BDP1: variants seen among roughly 807,000 people sequenced by gnomAD.
The protein encoded by BDP1 is transcription factor TFIIIB component B'' homolog.
BDP1 carries 169 observed loss-of-function variants against 266.6 expected under a neutral mutation model. The ratio of observed to expected loss-of-function variants is 0.63; its 90% CI spans 0.56 to 0.72. BDP1 has a LOEUF of 0.72. Among genes scored for constraint, BDP1 ranks in the 30% least tolerant of loss-of-function variants. The probability of loss-of-function intolerance (pLI) is 0.00; values close to 1 mark genes in which losing one functional copy is unlikely to be tolerated. For synonymous variants in BDP1, 1,090 were observed against 1,022.4 expected (o/e 1.07, Z -1.26); for missense variants, 3,015 against 3,053.8 (o/e 0.99, Z 0.30).
rs933162320 is a variant in BDP1 at position 71,522,212 on chromosome 5, T to C, written c.4992-77T>C. 6 of 1,093,536 alleles carry C rather than the reference T, an allele frequency of 5.5e-6. No individual in the cohort carries two copies. In the South Asian group the frequency reaches 5.8e-5, roughly 11 times the overall value. 67.7% of individuals were successfully genotyped at this position (1,093,536 alleles called of 1,614,324 possible). A position where few individuals can be genotyped will look rare whatever the true frequency, so the allele number is the denominator to read the frequency against. On this transcript the variant is annotated intron_variant, in intron 22 of 38. Transcript: ENST00000358731. ...ACATAGAATTGATTTGTATCCAAAA[T>C]TGTTTGATGTAACAGCTGTTATATC...
Position 71,458,654 on chromosome 5 carries a change from G to A in BDP1, c.288G>A (p.Lys96=). ...RSSSTVSQRR[K]RISSTSSLVK... ...CCTCTACTGTTTCACAGAGAAGAAAGCGAATATCAAGTACTTCTAGCCTGG... is the reference window on the plus strand; with the variant it reads ...CCTCTACTGTTTCACAGAGAAGAAAACGAATATCAAGTACTTCTAGCCTGG... Residue 96 remains lysine, a synonymous_variant, in exon 2 of 39, where the codon AAG becomes AAA. Transcript: ENST00000358731. 6.2e-7 allele frequency: 1 copy of A among 1,613,730 alleles called. No homozygotes were observed. Among genetic ancestry groups the A allele is most frequent in the African/African-American group, 1.3e-5 (1 of 75,028 alleles).
the BDP1 span, among the ~76,000 whole-genome samples, chr5:71,573,528 T>C: frequency 6.6e-6 from 1 of 152,208 alleles, no homozygotes; most frequent in Non-Finnish European, 1.5e-5. Flanking sequence ...AGTAAGGGCG[T>C]ACAGAGCCCA....
chr5:71,513,285 T>A lies in BDP1; in HGVS notation c.4348T>A (p.Leu1450Met). The A allele has an allele frequency of 6.2e-7, 1 of 1,613,120 alleles. No homozygotes were observed. The highest frequency in any genetic ancestry group is 8.5e-7 in the Non-Finnish European group (1 of 1,179,618). The change falls in exon 19 of 39, where the codon TTG (leucine) becomes ATG (methionine). Residue 1450 changes from leucine (L) to methionine (M), a missense_variant. Around this residue, in one of 3 missense-constraint regions of BDP1, gnomAD observed 2,383 missense variants for 2,404.9 expected, o/e 0.99. Coordinates refer to ENST00000358731, the MANE Select transcript of BDP1 (RefSeq NM_018429.3). ...AAAACCAAACTTAGCAAGAGCAGCT[T>A]TGAAGAGAGAGACTACAGAATCAGA... The part of the protein sequence containing the change: ...RPKPNLARAA[L>M]KRETTESEKY...
intron 12 of BDP1, among the ~76,000 whole-genome samples, chr5:71,496,668 C>T (rs1019350249): frequency 2.6e-5 from 4 of 152,090 alleles, no homozygotes; most frequent in Non-Finnish European, 2.9e-5. Flanking sequence ...CTGCAACCCC[C>T]GCCTCCCGGG....
intron 7 of BDP1, among the ~76,000 whole-genome samples, chr5:71,480,788 T>C (rs894197420): frequency 2.0e-5 from 3 of 152,170 alleles, no homozygotes; most frequent in Admixed American, 6.5e-5. Flanking sequence ...GGTCTCGAAC[T>C]CCTGACCTCA....
Position 71,567,162 on chromosome 5 carries a change from CAT to C in BDP1, c.*2280_*2281del, listed in dbSNP as rs562671450. The C allele has an allele frequency of 2.4e-4, 37 of 152,260 alleles. 1 individual carries two copies. In the South Asian group the frequency reaches 7.2e-3, roughly 30 times the overall value. 9.4% of individuals were successfully genotyped at this position (152,260 alleles called of 1,614,324 possible). ...CCTGTTTTTGTAAGTTTTTAAAACT[CAT>C]ATTCTGAAAAGATTTCATTCTCTTA... On this transcript the variant is annotated 3_prime_UTR_variant, in exon 39 of 39. Coordinates refer to ENST00000358731, the MANE Select transcript of BDP1 (RefSeq NM_018429.3).
intron 11 of BDP1, among the ~76,000 whole-genome samples, chr5:71,493,280 G>A (rs1436331159): frequency 6.6e-6 from 1 of 152,158 alleles, no homozygotes; most frequent in Non-Finnish European, 1.5e-5. Context: ...AAAATGTTGT[G>A]ACAGGGTCTT....
intron 9 of BDP1, among the ~76,000 whole-genome samples, chr5:71,488,538 C>T (rs917303943): frequency 2.0e-5 from 3 of 151,674 alleles, no homozygotes; most frequent in Non-Finnish European, 4.4e-5. Flanking sequence ...AAGCGATTCT[C>T]CTGCCTCAGC....
At chr5:71,473,990 G>GT (rs1182011544) in intron 7 of BDP1, among the ~76,000 whole-genome samples, 2 of 151,514 alleles carry the variant, frequency 1.3e-5, no homozygotes, top group Non-Finnish European at 2.9e-5. Flanking sequence ...TATACATTTC[G>GT]TTTTTTTTGA....
Position 71,517,360 on chromosome 5 carries a change from G to C in BDP1, c.4899G>C (p.Ser1633=). The change falls in exon 22 of 39, where the codon TCG becomes TCC. Residue 1633 remains serine, a synonymous_variant. Transcript: ENST00000358731. ...SQIETEIEVP[S]SAVPEHRMYE... is the part of the protein sequence containing the mutation. ...TTGAAACTGAAATTGAAGTTCCATC[G>C]TCCGCAGTTCCAGAACACAGAATGT... 1 of 1,599,322 alleles carries C rather than the reference G, an allele frequency of 6.3e-7. No homozygotes were observed.
chr5:71,564,216 G>A (rs1471467207), intron 38 of BDP1, among the ~76,000 whole-genome samples: 4 of 151,954 alleles, frequency 2.6e-5, no homozygotes, highest in Admixed American at 6.6e-5. Flanking sequence ...TCTGTCATTC[G>A]TGTGCCAATA....
intron 36 of BDP1, 62 bp from the exon 37 acceptor site, chr5:71,559,920 G>A: frequency 6.5e-7 from 1 of 1,533,962 alleles, no homozygotes; most frequent in East Asian, 2.3e-5. Context: ...TTCAAATGCT[G>A]GGATTACATG....
At chr5:71,529,411 G>A (rs778322731) in intron 25 of BDP1, among the ~76,000 whole-genome samples, 115 of 152,286 alleles carry the variant, frequency 7.6e-4, no homozygotes, top group Non-Finnish European at 1.3e-3. Flanking sequence ...GCATTGAAAG[G>A]CCAGGCATGG....
chr5:71,513,115 G>A, intron 18 of BDP1, 70 bp from the exon 19 acceptor site: 1 of 1,013,002 alleles, frequency 9.9e-7, no homozygotes, highest in Non-Finnish European at 1.5e-6. Flanking sequence ...AGTCTCTAAG[G>A]TTGTACTGAG....
At position 71,561,150 on chromosome 5, in the gene BDP1, C is replaced by T. The variant is rs1244043780; in HGVS notation, c.7496+913C>T. Among the ~76,000 whole-genome samples, 8 of 150,298 alleles carry T rather than the reference C, an allele frequency of 5.3e-5. No homozygotes were observed. In the South Asian group the frequency reaches 1.5e-3, roughly 28 times the overall value. On this transcript the variant is annotated intron_variant, in intron 37 of 38. Transcript: ENST00000358731. The stretch of plus-strand genomic sequence containing the variant: ...GGTGCGGTGGCTCATGCCTGTAATC[C>T]CAGCACTTTGGGAGGCTGAGGTGGG...
At chr5:71,507,022 A>G (rs1764625945) in intron 16 of BDP1, among the ~76,000 whole-genome samples, 1 of 152,022 alleles carries the variant, frequency 6.6e-6, no homozygotes, top group Admixed American at 6.6e-5. Flanking sequence ...GGGTTTCGCC[A>G]TGTTGCCCAG....
intron 16 of BDP1, among the ~76,000 whole-genome samples, chr5:71,505,846 G>T (rs1257324212): frequency 5.3e-5 from 8 of 152,208 alleles, no homozygotes; most frequent in Non-Finnish European, 2.9e-5. Flanking sequence ...GGGCAACAAA[G>T]TGAGACAGAC....
At chr5:71,479,276 A>G (rs188391560) in intron 7 of BDP1, among the ~76,000 whole-genome samples, 11 of 151,086 alleles carry the variant, frequency 7.3e-5, no homozygotes, top group African/African-American at 2.7e-4. Flanking sequence ...CTCCTGACCT[A>G]GTGATCCGCC....
At position 71,560,160 on chromosome 5, in the gene BDP1, G is replaced by A. The variant is rs562429410; in HGVS notation, c.7419G>A (p.Lys2473=). ...AGGATGAAATGATTGTGTCTGATAA[G>A]GAAGAAAGAACTGATGCTGCTCCTA... ...LPQDEMIVSD[K]EERTDAAPKS... The change falls in exon 37 of 39, where the codon AAG becomes AAA. Residue 2473 remains lysine (K), a synonymous_variant. Coordinates refer to ENST00000358731, the MANE Select transcript of BDP1 (RefSeq NM_018429.3). 7 of 1,614,096 alleles carry A rather than the reference G, an allele frequency of 4.3e-6. No homozygotes were observed. In the South Asian group the frequency reaches 5.5e-5, roughly 13 times the overall value.
Sources: allele counts gnomAD v4.1 joint callset (sites outside exome capture counted in the v4.1 genomes callset), GRCh38; gene constraint gnomAD v4.1.1; regional missense constraint gnomAD v4.1.1; transcripts MANE v1.5; gene names NCBI Gene and HGNC (gene_info 2026-07-23, HGNC 2026-07-21).